The following CLK2 variants were observed in gnomAD, a reference collection of about 807,000 sequenced individuals.
CLK2 encodes the protein CDC like kinase 2, also known as dual specificity protein kinase CLK2.
CLK2 carries 12 observed loss-of-function variants against 73.5 expected under a neutral mutation model. The ratio of observed to expected loss-of-function variants is 0.16; its 90% CI spans 0.10 to 0.26. The LOEUF (loss-of-function observed/expected upper bound fraction) is 0.26. CLK2 is among the 10% of genes least tolerant of loss of function. The pLI is 1.00. For missense variants in CLK2, 509 were observed against 688.4 expected (o/e 0.74, Z 2.92); for synonymous variants, 232 against 237.9 (o/e 0.98, Z 0.23).
chr1:155,272,280 T>G (rs1213261884), intron 1 of CLK2, among the ~76,000 whole-genome samples: 2 of 152,190 alleles, frequency 1.3e-5, no homozygotes, highest in African/African-American at 2.4e-5. Flanking sequence ...CCTCCCAAAG[T>G]GCTGGGATTA....
rs1375518303 is a variant in CLK2 at position 155,270,842 on chromosome 1, G to A, written c.136C>T (p.Arg46Trp). The A allele has an allele frequency of 5.0e-6, 8 of 1,612,584 alleles. No individual in the cohort carries two copies. The highest frequency in any genetic ancestry group is 2.7e-5 in the African/African-American group (2 of 75,004). The change falls in exon 2 of 13, where the codon CGG becomes TGG. Residue 46 changes from arginine to tryptophan, a missense_variant. By Grantham distance (101) the Arg-to-Trp change is moderately radical. This residue lies in a region of CLK2 where 222 missense variants were observed against 221.7 expected (regional missense o/e 1.00). Coordinates refer to ENST00000368361, the MANE Select transcript of CLK2 (RefSeq NM_001294338.2). Reference protein sequence around the residue: ...SSSSDRTRRRRREDSYHVRSR... With the variant: ...SSSSDRTRRRWREDSYHVRSR... The stretch of plus-strand genomic sequence containing the variant: ...CGGACATGGTAGCTGTCCTCTCGCC[G>A]ACGCCGTCGTGTCCGGTCACTACTA...
rs1673398791 is a variant in CLK2, at chr1:155,269,598, G to A, written c.289C>T (p.His97Tyr). The A allele has an allele frequency of 1.9e-6, 3 of 1,614,232 alleles. No homozygotes were observed. The highest frequency in any genetic ancestry group is 2.5e-6 in the Non-Finnish European group (3 of 1,180,038). The change falls in exon 3 of 13, where the codon CAT (histidine) becomes TAT (tyrosine). Residue 97 changes from histidine to tyrosine, a missense_variant. Coordinates refer to ENST00000368361, the MANE Select transcript of CLK2 (RefSeq NM_001294338.2). ...TTCTCCCGCTGATATTCATAGGAAT[G>A]CCGATAGTCTGTGTCATAGTAGGCA... is the stretch of plus-strand genomic sequence containing the variant. Reference protein sequence around the residue: ...GDAYYDTDYRHSYEYQRENSS... With the variant: ...GDAYYDTDYRYSYEYQRENSS...
At position 155,269,564 on chromosome 1, in the gene CLK2, T is replaced by C. The variant is rs1302674849; in HGVS notation, c.323A>G (p.Tyr108Cys). 1 of 1,614,216 alleles carries C rather than the reference T, an allele frequency of 6.2e-7. No individual in the cohort carries two copies. The highest frequency in any genetic ancestry group is 8.5e-7 in the Non-Finnish European group (1 of 1,180,040). The change falls in exon 3 of 13, where the codon TAC (tyrosine) becomes TGC (cysteine). Residue 108 changes from tyrosine (Y) to cysteine (C), a missense_variant. Tyr to Cys is a radical substitution (Grantham distance 194, BLOSUM62 -2). This residue lies in a region of CLK2 where 222 missense variants were observed against 221.7 expected (regional missense o/e 1.00). Coordinates refer to ENST00000368361, the MANE Select transcript of CLK2 (RefSeq NM_001294338.2). ...CCTCCGGCTGCTGCGCTGGCTGCGG[T>C]AACTGCTGTTCTCCCGCTGATATTC... ...SYEYQRENSS[Y>C]RSQRSSRRKH...
Position 155,263,260 on chromosome 1 carries a change from C to T in CLK2, c.1458G>A (p.Pro486=), listed in dbSNP as rs373524272. The T allele has an allele frequency of 5.5e-5, 88 of 1,613,790 alleles. No individual in the cohort carries two copies. The highest frequency in any genetic ancestry group is 6.7e-5 in the Non-Finnish European group (79 of 1,179,980). The part of the protein sequence containing the change: ...HPFFARLRAE[P]PNKLWDSSRD... ...GACTGGAGTCCCACAACTTGTTGGG[C>T]GGCTCAGCCCGAAGGCGGGCGAAGA... The change falls in exon 13 of 13, where the codon CCG becomes CCA. Residue 486 remains proline, a synonymous_variant. Transcript: ENST00000368361.
At position 155,264,753 on chromosome 1, in the gene CLK2, TCA is replaced by T. The variant is rs1458879895; in HGVS notation, c.953_954del (p.Val318GlufsTer16). On this transcript the variant is annotated frameshift_variant, in exon 9 of 13. Coordinates refer to ENST00000368361, the MANE Select transcript of CLK2 (RefSeq NM_001294338.2). LOFTEE classifies it high-confidence loss of function. Reference protein sequence around the residue: ...NLEKKRDERSVKSTAVRVVDF... With the variant: ...NLEKKRDERSXKSTAVRVVDF... ...TCTACCACCCGCACAGCTGTGCTCT[TCA>T]CACTGCGCTCATCTCGCTTCTAGGA... is the stretch of plus-strand genomic sequence containing the variant. The T allele has an allele frequency of 6.2e-7, 1 of 1,614,242 alleles. No individual in the cohort carries two copies. The highest frequency in any genetic ancestry group is 1.7e-5 in the Admixed American group (1 of 60,028).
At chr1:155,270,663 A>G in intron 2 of CLK2, 145 bp downstream of exon 2, 1 of 908,686 alleles carries the variant, frequency 1.1e-6, no homozygotes, top group South Asian at 1.6e-5. Context: ...ACTGCAGCCC[A>G]AATGGCTTCT....
At position 155,269,523 on chromosome 1, in the gene CLK2, TCCG is replaced by T. The variant is rs1191875405; in HGVS notation, c.361_363del (p.Arg124del). On this transcript the variant is annotated inframe_deletion, in exon 3 of 13. Transcript: ENST00000368361. Reference sequence around the variant, plus strand: ...CGGCTAAATGTCCGGCTGCGCCTCCTCCGCCGTCTGTGCTTCCTCCGGCTGCTG... The same window carrying T: ...CGGCTAAATGTCCGGCTGCGCCTCCTCCGTCTGTGCTTCCTCCGGCTGCTG... The T allele has an allele frequency of 1.2e-6, 2 of 1,613,886 alleles. 1 individual carries two copies. The highest frequency in any genetic ancestry group is 4.5e-5 in the East Asian group (2 of 44,892).
rs780531186 is a variant in CLK2, at chr1:155,266,712, C to T, written c.838+17G>A. ...GGAGGGACTGCCCCAGAGTCCACTT[C>T]GGCCCACCCCACTCACACTTGACAG... On this transcript the variant is annotated intron_variant, in intron 7 of 12. Transcript: ENST00000368361. 21 of 1,606,328 alleles carry T rather than the reference C, an allele frequency of 1.3e-5. No individual in the cohort carries two copies. Among genetic ancestry groups the T allele is most frequent in the South Asian group, 6.7e-5 (6 of 89,762 alleles).
chr1:155,263,056 A>G lies in CLK2; in HGVS notation c.*162T>C, dbSNP rs1673045960. 1.5e-6 allele frequency: 1 copy of G among 687,482 alleles called. No homozygotes were observed. The highest frequency in any genetic ancestry group is 3.0e-5 in the Admixed American group (1 of 33,412). The allele number at this position is 687,482 out of a possible 1,614,324, so 42.6% of individuals were successfully genotyped here. ...CAAGGCAGGGGTTGAAGTGATAGGT[A>G]CAAGTTCTTTCATATTTACACTATT... On this transcript the variant is annotated 3_prime_UTR_variant, in exon 13 of 13. Transcript: ENST00000368361.
At position 155,268,050 on chromosome 1, in the gene CLK2, C is replaced by T. The variant is rs1673316216; in HGVS notation, c.631G>A (p.Val211Met). 2.5e-6 allele frequency: 4 copies of T among 1,614,062 alleles called. No homozygotes were observed. The highest frequency in any genetic ancestry group is 3.4e-6 in the Non-Finnish European group (4 of 1,179,962). ...TCTTTCTCATTGATTTTCTCTAGCA[C>T]GTTGATCTCAAGTCGAGCTGCTTCC... ...YKEAARLEIN[V>M]LEKINEKDPD... The change falls in exon 6 of 13, where the codon GTG (valine) becomes ATG (methionine). Residue 211 changes from valine to methionine, a missense_variant. Transcript: ENST00000368361. The surrounding 1 kb of genome is among the most constrained non-coding windows in gnomAD (Gnocchi z 5.6).
chr1:155,272,212 C>T (rs1673546097), intron 1 of CLK2, among the ~76,000 whole-genome samples: 1 of 152,142 alleles, frequency 6.6e-6, no homozygotes, highest in Non-Finnish European at 1.5e-5. Context: ...GACAGGGTTT[C>T]TCCATGTTGG....
chr1:155,269,364 C>T (rs774119082), intron 3 of CLK2, 124 bp downstream of exon 3: 8 of 843,516 alleles, frequency 9.5e-6, no homozygotes, highest in African/African-American at 1.7e-5. Flanking sequence ...AGTAGGCAAA[C>T]TCAGTGCCCA....
intron 8 of CLK2, among the ~76,000 whole-genome samples, chr1:155,265,077 T>C (rs1235310804): frequency 6.6e-6 from 1 of 152,182 alleles, no homozygotes; most frequent in African/African-American, 2.4e-5. Flanking sequence ...AAATGGGTTT[T>C]TCTGAAAAAA....
chr1:155,271,054 G>T (rs764155788), intron 1 of CLK2, 77 bp from the exon 2 acceptor site: 17 of 1,432,416 alleles, frequency 1.2e-5, no homozygotes, highest in Non-Finnish European at 1.6e-5. Flanking sequence ...CTGCTCCAAA[G>T]ATGCTAAGCT....
chr1:155,269,710 A>G lies in CLK2; in HGVS notation c.177T>C (p.Tyr59=), dbSNP rs765545037. ...CCCTCCGGTCGGACGAACGATCATC[A>G]TAACTGCTGTTGGATAACAAATACC... ...DSYHVRSRSS[Y]DDRSSDRRVY... is the part of the protein sequence containing the mutation. The change falls in exon 3 of 13, where the codon TAT becomes TAC. Residue 59 remains tyrosine, a synonymous_variant. Transcript: ENST00000368361. 5.6e-6 allele frequency: 9 copies of G among 1,614,118 alleles called. No individual in the cohort carries two copies. The Admixed American group carries it at 1.2e-4, about 21-fold the overall frequency.
chr1:155,266,096 T>G (rs1172271388), intron 7 of CLK2, 142 bp from the exon 8 acceptor site: 1 of 660,854 alleles, frequency 1.5e-6, no homozygotes, highest in African/African-American at 1.8e-5. Context: ...GCTCTACGTC[T>G]AAATGGAATG....
Position 155,269,676 on chromosome 1 carries a change from G to C in CLK2, c.211C>G (p.Arg71Gly), listed in dbSNP as rs1001352514. 6.2e-7 allele frequency: 1 copy of C among 1,614,054 alleles called. No homozygotes were observed. Among genetic ancestry groups the C allele is most frequent in the Non-Finnish European group, 8.5e-7 (1 of 1,180,048 alleles). ...CGTCTGTAGCTGCCACAGTATCGCCGGTCATACACCCTCCGGTCGGACGAA... is the reference window on the plus strand; with the variant it reads ...CGTCTGTAGCTGCCACAGTATCGCCCGTCATACACCCTCCGGTCGGACGAA... The part of the protein sequence containing the change: ...DRSSDRRVYD[R>G]RYCGSYRRND... The change falls in exon 3 of 13, where the codon CGG becomes GGG. Residue 71 changes from arginine to glycine, a missense_variant. By Grantham distance (125) the Arg-to-Gly change is moderately radical. Coordinates refer to ENST00000368361, the MANE Select transcript of CLK2 (RefSeq NM_001294338.2).
chr1:155,269,774 C>A (rs1673413734), intron 2 of CLK2, 58 bp from the exon 3 acceptor site: 1 of 1,492,848 alleles, frequency 6.7e-7, no homozygotes, highest in Non-Finnish European at 9.3e-7. Flanking sequence ...CCCTACCATA[C>A]CCTGTGACAA....
intron 6 of CLK2, among the ~76,000 whole-genome samples, chr1:155,267,242 AC>A (rs2148137565): frequency 6.6e-6 from 1 of 152,136 alleles, no homozygotes; most frequent in African/African-American, 2.4e-5. Flanking sequence ...ACAGTTGTCC[AC>A]CACCATGCCC....
Sources: gnomAD v4.1 joint callset for allele counts (sites outside exome capture counted in the v4.1 genomes callset) on GRCh38, gnomAD v4.1.1 for gene constraint, gnomAD v4.1.1 regional missense constraint, Gnocchi (gnomAD v3.1) non-coding constraint, MANE v1.5 for transcripts, NCBI Gene and HGNC (gene_info 2026-07-23, HGNC 2026-07-21) for gene names.